Variants in ASPH observed in about 807,000 individuals in gnomAD.
ASPH encodes aspartate beta-hydroxylase.
ASPH carries 100 observed loss-of-function variants against 118.4 expected under a neutral mutation model. The observed-to-expected ratio is 0.84, with a 90% CI of 0.72 to 1.00. The LOEUF is 1.00. ASPH is among the 50% of genes least tolerant of loss of function. The pLI is 0.00. For missense variants in ASPH, 920 were observed against 919.5 expected (o/e 1.00, Z -0.01); for synonymous variants, 315 against 325.6 (o/e 0.97, Z 0.35).
intron 1 of ASPH, among the ~76,000 whole-genome samples, chr8:61,705,281 G>A (rs6984019): frequency 0.64 from 96,884 of 152,008 alleles, 31,033 homozygotes; most frequent in East Asian, 0.72. Context: ...GATCAAAAAA[G>A]CTACTCAGCA....
chr8:61,542,380 C>T (rs957316995), intron 21 of ASPH, among the ~76,000 whole-genome samples: 1 of 152,030 alleles, frequency 6.6e-6, no homozygotes, highest in Non-Finnish European at 1.5e-5. Context: ...TTTTACCCTA[C>T]TTTTTTGAGT....
intron 5 of ASPH, 58 bp from the exon 6 acceptor site, chr8:61,646,936 G>A (rs1808342884): frequency 1.9e-6 from 3 of 1,606,324 alleles, no homozygotes; most frequent in Admixed American, 3.4e-5. Context: ...AAAGCCCCTT[G>A]TGAAGGGCTG....
At position 61,714,429 on chromosome 8, in the gene ASPH, C is replaced by T. The variant is rs1838893867; in HGVS notation, c.-58G>A. On this transcript the variant is annotated 5_prime_UTR_variant, in exon 1 of 25. Transcript: ENST00000379454. ...GGACCTCCTTCAGTGCGCGGGGGTA[C>T]ACACGCGACGCGGGAACCGCTGGCG... 1 of 1,377,588 alleles carries T rather than the reference C, an allele frequency of 7.3e-7. No individual in the cohort carries two copies. The highest frequency in any genetic ancestry group is 9.4e-7 in the Non-Finnish European group (1 of 1,063,188). The allele number at this position is 1,377,588 out of a possible 1,614,324, so 85.3% of individuals were successfully genotyped here.
intron 9 of ASPH, among the ~76,000 whole-genome samples, 177 bp downstream of exon 9, chr8:61,643,209 T>C (rs1300830125): frequency 6.6e-6 from 1 of 152,194 alleles, no homozygotes; most frequent in Non-Finnish European, 1.5e-5. Flanking sequence ...TGAGGTGAAA[T>C]ATGAAAGCCT....
chr8:61,563,293 T>C (rs1355885506), intron 17 of ASPH, among the ~76,000 whole-genome samples: 1 of 152,196 alleles, frequency 6.6e-6, no homozygotes, highest in Non-Finnish European at 1.5e-5. Context: ...TCTAGCACCC[T>C]GTATGCAATT....
At chr8:61,513,081 C>T (rs2129615625) in intron 24 of ASPH, among the ~76,000 whole-genome samples, 1 of 152,298 alleles carries the variant, frequency 6.6e-6, no homozygotes. Context: ...ACAGTATACA[C>T]ACTGGTGGAA....
chr8:61,705,115 G>A (rs1249334814), intron 1 of ASPH, among the ~76,000 whole-genome samples: 1 of 152,154 alleles, frequency 6.6e-6, no homozygotes, highest in African/African-American at 2.4e-5. Flanking sequence ...AATGGAGCTG[G>A]AGGCCACTAT....
At chr8:61,517,736 C>T in intron 23 of ASPH, 75 bp from the exon 24 acceptor site, 3 of 1,514,622 alleles carry the variant, frequency 2.0e-6, no homozygotes, top group South Asian at 1.2e-5. Context: ...GGTGACAGTA[C>T]AAAATTACTG....
chr8:61,683,949 G>A lies in ASPH; in HGVS notation c.253+90C>T. 2.1e-6 allele frequency: 3 copies of A among 1,440,524 alleles called. No homozygotes were observed. The East Asian group carries it at 6.8e-5, about 33-fold the overall frequency. The allele number at this position is 1,440,524 out of a possible 1,614,324, so 89.2% of individuals were successfully genotyped here. On this transcript the variant is annotated intron_variant, in intron 2 of 24. Coordinates refer to ENST00000379454, the MANE Select transcript of ASPH (RefSeq NM_004318.4). ...CACTGAAAGGCTATAGAAATTACCA[G>A]TACCAGAAAGATGATAACAAATATT...
intron 1 of ASPH, among the ~76,000 whole-genome samples, chr8:61,688,349 T>C (rs1831387958): frequency 6.6e-6 from 1 of 152,168 alleles, no homozygotes; most frequent in Non-Finnish European, 1.5e-5. Flanking sequence ...CAAAAGTACA[T>C]GACCTCCAAA....
At chr8:61,510,470 C>G (rs914950844) in intron 24 of ASPH, among the ~76,000 whole-genome samples, 5 of 152,226 alleles carry the variant, frequency 3.3e-5, no homozygotes, top group Admixed American at 1.3e-4. Flanking sequence ...TAAAAAGCTT[C>G]TGGGAGCTGA....
chr8:61,537,144 C>T (rs1819937600), intron 21 of ASPH, among the ~76,000 whole-genome samples: 1 of 152,146 alleles, frequency 6.6e-6, no homozygotes, highest in East Asian at 1.9e-4. Flanking sequence ...CTCAGACAGG[C>T]AGGGAAGCCA....
intron 15 of ASPH, chr8:61,579,329 G>C (rs1836585493): frequency 1.9e-6 from 3 of 1,614,224 alleles, no homozygotes; most frequent in Middle Eastern, 1.7e-4. Context: ...TGGCACGGCA[G>C]CTGCGTGAGT....
chr8:61,663,052 G>C, intron 3 of ASPH: 1 of 985,270 alleles, frequency 1.0e-6, no homozygotes, highest in Non-Finnish European at 1.2e-6. Context: ...AGTGAAGACA[G>C]CACTTAAAAT....
chr8:61,677,846 T>C (rs1460985127), intron 3 of ASPH, among the ~76,000 whole-genome samples: 1 of 152,172 alleles, frequency 6.6e-6, no homozygotes, highest in Non-Finnish European at 1.5e-5. Context: ...AAGTATTACA[T>C]ATAAAACTTT....
intron 17 of ASPH, 24 bp downstream of exon 17, chr8:61,567,144 G>A: frequency 6.2e-7 from 1 of 1,610,414 alleles, no homozygotes; most frequent in Non-Finnish European, 8.5e-7. Flanking sequence ...ATTTCCTACT[G>A]AATTACCTTT....
At chr8:61,505,603 C>G (rs1273081798) in intron 24 of ASPH, among the ~76,000 whole-genome samples, 1 of 152,020 alleles carries the variant, frequency 6.6e-6, no homozygotes, top group East Asian at 1.9e-4. Flanking sequence ...TCTTCTCAGT[C>G]TCAGGTATGT....
chr8:61,566,234 C>T (rs1313709432), intron 17 of ASPH, among the ~76,000 whole-genome samples: 1 of 152,148 alleles, frequency 6.6e-6, no homozygotes, highest in East Asian at 1.9e-4. Context: ...TTGCTTCCAA[C>T]CCTCATTAAT....
intron 5 of ASPH, among the ~76,000 whole-genome samples, chr8:61,649,176 G>A (rs753432490): frequency 5.9e-5 from 9 of 152,184 alleles, no homozygotes; most frequent in East Asian, 1.9e-4. Flanking sequence ...CGGTCACACC[G>A]AGGCCCTAGA....
Sources: allele counts gnomAD v4.1 joint callset (sites outside exome capture counted in the v4.1 genomes callset), GRCh38; gene constraint gnomAD v4.1.1; transcripts MANE v1.5; gene names NCBI Gene and HGNC (gene_info 2026-07-23, HGNC 2026-07-21).